TENM1: variants seen among roughly 807,000 people sequenced by gnomAD.
TENM1 encodes the protein teneurin transmembrane protein 1.
A neutral mutation model predicts 174.8 loss-of-function variants in TENM1; 35 were observed. That is an observed-to-expected ratio of 0.20 (90% CI 0.15 to 0.27). TENM1 has a LOEUF of 0.27. Ranked by LOEUF, TENM1 falls within the 10% of genes least tolerant of loss-of-function variation. The pLI is 1.00. For missense variants in TENM1, 1,633 were observed against 2,130.1 expected (o/e 0.77, Z 4.59); for synonymous variants, 781 against 798.7 (o/e 0.98, Z 0.37).
chrX:124,466,883 T>C (rs1465210756), intron 22 of TENM1, among the ~76,000 whole-genome samples: 1 of 111,534 alleles, frequency 9.0e-6, no homozygotes, highest in Admixed American at 9.6e-5. Context: ...CCAATATAGG[T>C]AAGCTTAGCA....
chrX:124,599,691 G>A (rs1201360606), intron 11 of TENM1, among the ~76,000 whole-genome samples: 3 of 111,541 alleles, frequency 2.7e-5, no homozygotes, highest in African/African-American at 9.8e-5. Context: ...AAGTCAAGTA[G>A]GGTGAACATT....
the TENM1 span, among the ~76,000 whole-genome samples, chrX:125,071,117 A>T: frequency 1.8e-5 from 2 of 111,660 alleles, no homozygotes; most frequent in African/African-American, 6.5e-5. Context: ...TCATGTAGCC[A>T]GCTATGTTCC....
At chrX:124,740,118 GA>G (rs748615943) in intron 3 of TENM1, among the ~76,000 whole-genome samples, 29 of 111,776 alleles carry the variant, frequency 2.6e-4, no homozygotes, top group African/African-American at 8.8e-4. Context: ...CCACGTGTGG[GA>G]GAGCACTTAA....
intron 25 of TENM1, among the ~76,000 whole-genome samples, chrX:124,418,357 C>T (rs1177780473): frequency 9.2e-6 from 1 of 109,147 alleles, no homozygotes; most frequent in African/African-American, 3.3e-5. Flanking sequence ...TCATACCACC[C>T]CCCACCCCCC....
the TENM1 span, among the ~76,000 whole-genome samples, chrX:125,092,010 A>AAG: frequency 2.1e-4 from 22 of 106,606 alleles, no homozygotes; most frequent in African/African-American, 7.3e-4. Flanking sequence ...AAAAAAAAAA[A>AAG]AGATTGGTTT....
chrX:124,452,943 T>A (rs1001074139), intron 23 of TENM1, among the ~76,000 whole-genome samples: 52 of 109,676 alleles, frequency 4.7e-4, no homozygotes, highest in African/African-American at 1.7e-3. Flanking sequence ...CACACCAACA[T>A]GGCACATGTA....
intron 11 of TENM1, among the ~76,000 whole-genome samples, chrX:124,607,141 T>C (rs984550658): frequency 1.8e-5 from 2 of 111,707 alleles, no homozygotes; most frequent in Non-Finnish European, 3.8e-5. Flanking sequence ...CCAAGTACTA[T>C]TCCAGGCAAT....
chrX:124,678,334 A>G (rs1016544380), intron 5 of TENM1, among the ~76,000 whole-genome samples: 2 of 111,410 alleles, frequency 1.8e-5, no homozygotes, highest in African/African-American at 6.5e-5. Flanking sequence ...ATATGTATTT[A>G]TATATATTTA....
At chrX:124,895,307 T>A (rs1265298723) in intron 2 of TENM1, among the ~76,000 whole-genome samples, 1 of 112,112 alleles carries the variant, frequency 8.9e-6, no homozygotes, top group African/African-American at 3.2e-5. Flanking sequence ...ATGAAAAGAT[T>A]TTGTTCTCTG....
At chrX:124,447,576 C>T (rs1272717930) in intron 23 of TENM1, among the ~76,000 whole-genome samples, 1 of 112,070 alleles carries the variant, frequency 8.9e-6, no homozygotes, top group African/African-American at 3.2e-5. Context: ...TTATCAGAGG[C>T]GTTAATGCTG....
At chrX:124,876,405 A>T (rs1414210596) in intron 3 of TENM1, among the ~76,000 whole-genome samples, 7 of 111,473 alleles carry the variant, frequency 6.3e-5, no homozygotes, top group Non-Finnish European at 5.7e-5. Flanking sequence ...CTTGTAGTGT[A>T]TTATTTTTCT....
chrX:124,414,489 C>T (rs141520802), intron 25 of TENM1, among the ~76,000 whole-genome samples: 1,108 of 109,932 alleles, frequency 0.01, 8 homozygotes, highest in Non-Finnish European at 0.015. Context: ...CCACCTGTGC[C>T]GCCTCAGGCC....
At chrX:125,169,769 A>AT in the TENM1 span, among the ~76,000 whole-genome samples, 302 of 102,881 alleles carry the variant, frequency 2.9e-3, 1 homozygote, top group African/African-American at 4.0e-3. Flanking sequence ...TCATTTCTTC[A>AT]TTTTTTTTTT....
chrX:124,556,611 G>T (rs949768496), intron 14 of TENM1, among the ~76,000 whole-genome samples: 2 of 110,587 alleles, frequency 1.8e-5, no homozygotes, highest in Non-Finnish European at 3.8e-5. Flanking sequence ...AAATCATTAC[G>T]CATTTACCTT....
At chrX:124,519,540 C>T (rs1031248357) in intron 18 of TENM1, among the ~76,000 whole-genome samples, 8 of 110,824 alleles carry the variant, frequency 7.2e-5, no homozygotes, top group African/African-American at 2.6e-4. Context: ...TTTTGGAGAG[C>T]TTTAAAATAA....
At chrX:124,610,830 A>G (rs758808371) in intron 11 of TENM1, among the ~76,000 whole-genome samples, 4 of 111,667 alleles carry the variant, frequency 3.6e-5, no homozygotes, top group South Asian at 7.6e-4. Context: ...TATCTAATAA[A>G]TCACTTTATC....
intron 23 of TENM1, among the ~76,000 whole-genome samples, chrX:124,443,042 CTATGTGTGTGTGTGTGTG>C (rs1212399882): frequency 8.1e-4 from 34 of 42,166 alleles, no homozygotes; most frequent in African/African-American, 2.4e-3. Flanking sequence ...GCCTGGATGA[CTATGTGTGTGTGTGTGTG>C]TGTGTGTGTG....
At chrX:125,107,636 A>G in the TENM1 span, among the ~76,000 whole-genome samples, 1 of 111,613 alleles carries the variant, frequency 9.0e-6, no homozygotes, top group African/African-American at 3.3e-5. Flanking sequence ...GGGACAATCC[A>G]ATAAAAAGAA....
chrX:124,433,020 G>A (rs186249929), intron 23 of TENM1, among the ~76,000 whole-genome samples: 1 of 111,890 alleles, frequency 8.9e-6, no homozygotes, highest in East Asian at 2.8e-4. Context: ...GTGTTAGAGT[G>A]GCAAGGCAAA....
Sources: gnomAD v4.1 joint callset for allele counts (sites outside exome capture counted in the v4.1 genomes callset) on GRCh38, gnomAD v4.1.1 for gene constraint, MANE v1.5 for transcripts, NCBI Gene and HGNC (gene_info 2026-07-23, HGNC 2026-07-21) for gene names.